The following TMEM244 variants were observed in gnomAD, a reference collection of about 807,000 sequenced individuals.
TMEM244 encodes putative transmembrane protein 244.
In TMEM244, 13 loss-of-function variants were observed where a neutral mutation model predicts 15.8. The observed-to-expected ratio is 0.82, with a 90% confidence interval of 0.53 to 1.30. The LOEUF is 1.30. TMEM244 is among the 50% of genes most tolerant of loss of function. The pLI, the probability that TMEM244 is intolerant of heterozygous loss-of-function variation, is 0.00. For synonymous variants in TMEM244, 45 were observed against 48.7 expected, an observed-to-expected ratio of 0.92 and a Z score of 0.32; for missense variants, 161 against 144.9, an observed-to-expected ratio of 1.11 and a Z score of -0.57.
In TMEM244 at chr6:129,848,543, G is replaced by A. The variant is rs1265333972; in HGVS notation, c.34-2691C>T. Among the ~76,000 whole-genome samples the A allele has an allele frequency of 2.6e-5, 4 of 152,138 alleles. No individual in the cohort carries two copies. In the East Asian group the frequency reaches 7.7e-4, roughly 29 times the overall value. On this transcript the variant is annotated intron_variant, in intron 1 of 4. Transcript: ENST00000368143. ...GTTCCACTTGGAAGGAATCAATCTG[G>A]AAATAGCTAAAAGCCCTCATTTTGT...
intron 3 of TMEM244, 75 bp downstream of exon 3, chr6:129,843,455 T>A: frequency 4.7e-6 from 5 of 1,057,144 alleles, no homozygotes; most frequent in Non-Finnish European, 6.9e-6. Context: ...ATTTAAAATT[T>A]TTTTATTAAA....
intron 1 of TMEM244, among the ~76,000 whole-genome samples, chr6:129,859,037 G>A (rs776728935): frequency 2.6e-4 from 39 of 151,938 alleles, no homozygotes; most frequent in South Asian, 8.3e-4. Flanking sequence ...TAAAGTGATC[G>A]TCCGGTTTGG....
intron 3 of TMEM244, among the ~76,000 whole-genome samples, chr6:129,836,804 T>G (rs1292403706): frequency 6.6e-6 from 1 of 151,986 alleles, no homozygotes; most frequent in African/African-American, 2.4e-5. Context: ...GGTAATTCCA[T>G]CAAGTGGAAG....
At chr6:129,832,199 G>A (rs1260248867) in intron 4 of TMEM244, among the ~76,000 whole-genome samples, 1 of 149,924 alleles carries the variant, frequency 6.7e-6, no homozygotes. Context: ...CTGGGTTCAA[G>A]CATTCTCCCT....
rs747897499 is a variant in TMEM244, at chr6:129,845,758, G to A, written c.119+9C>T. The A allele has an allele frequency of 1.2e-5, 19 of 1,587,098 alleles. No individual in the cohort carries two copies. Among genetic ancestry groups the A allele is most frequent in the Middle Eastern group, 1.7e-4 (1 of 6,030 alleles). ...TTTTAATTCTATTTGAAGACAATGT[G>A]CTACTTACTCAAACATCACGCAGCC... On this transcript the variant is annotated intron_variant, in intron 2 of 4. Transcript: ENST00000368143.
chr6:129,845,206 T>A (rs1776544875), intron 2 of TMEM244, among the ~76,000 whole-genome samples: 1 of 152,212 alleles, frequency 6.6e-6, no homozygotes, highest in South Asian at 2.1e-4. Flanking sequence ...ATTCAGAAAG[T>A]TAGTAAGAAC....
chr6:129,851,011 A>G (rs183471652), intron 1 of TMEM244, among the ~76,000 whole-genome samples: 91 of 152,098 alleles, frequency 6.0e-4, no homozygotes, highest in Admixed American at 3.8e-3. Flanking sequence ...CTGTACTCAT[A>G]TTTTCTCATT....
At chr6:129,860,813 CAAAAAAAA>C (rs11480627) in intron 1 of TMEM244, among the ~76,000 whole-genome samples, 1 of 127,366 alleles carries the variant, frequency 7.9e-6, no homozygotes, top group Non-Finnish European at 1.7e-5. Context: ...CCACTCCCTG[CAAAAAAAA>C]AAAAGAAAAA....
At chr6:129,856,909 A>G (rs1272214538) in intron 1 of TMEM244, among the ~76,000 whole-genome samples, 5 of 152,024 alleles carry the variant, frequency 3.3e-5, no homozygotes, top group African/African-American at 1.2e-4. Context: ...CCACTTTTGT[A>G]TCTTTCAGGA....
At chr6:129,843,754 G>T in intron 2 of TMEM244, 151 bp from the exon 3 acceptor site, 1 of 540,572 alleles carries the variant, frequency 1.8e-6, no homozygotes. Context: ...GAATGTGAAG[G>T]AATCAGCAAT....
intron 1 of TMEM244, 137 bp from the exon 2 acceptor site, chr6:129,845,989 G>T: frequency 1.7e-6 from 1 of 577,952 alleles, no homozygotes; most frequent in South Asian, 2.5e-5. Context: ...CCATGGAATG[G>T]GAATGACTTC....
At chr6:129,841,600 C>A (rs761319571) in intron 3 of TMEM244, among the ~76,000 whole-genome samples, 9 of 151,994 alleles carry the variant, frequency 5.9e-5, no homozygotes, top group Admixed American at 3.9e-4. Flanking sequence ...AGGTGTTGAG[C>A]AAGATTTTAA....
At chr6:129,854,355 G>A (rs1019712808) in intron 1 of TMEM244, among the ~76,000 whole-genome samples, 1 of 152,198 alleles carries the variant, frequency 6.6e-6, no homozygotes, top group Non-Finnish European at 1.5e-5. Context: ...CCAGATAAAA[G>A]CAATCTTTGC....
At chr6:129,853,681 A>G (rs552125830) in intron 1 of TMEM244, among the ~76,000 whole-genome samples, 2 of 152,296 alleles carry the variant, frequency 1.3e-5, no homozygotes, top group Admixed American at 6.5e-5. Context: ...ATAAGTTGAA[A>G]TTAAGAAAAG....
At chr6:129,838,796 A>G (rs1386539747) in intron 3 of TMEM244, among the ~76,000 whole-genome samples, 1 of 152,218 alleles carries the variant, frequency 6.6e-6, no homozygotes, top group African/African-American at 2.4e-5. Context: ...GAATATTATA[A>G]ACACCTCTGT....
At chr6:129,836,213 G>A (rs1776404671) in intron 3 of TMEM244, among the ~76,000 whole-genome samples, 1 of 152,182 alleles carries the variant, frequency 6.6e-6, no homozygotes, top group South Asian at 2.1e-4. Context: ...GAAGCTTCCA[G>A]AGGAAGGATC....
chr6:129,857,668 T>A (rs925614184), intron 1 of TMEM244, among the ~76,000 whole-genome samples: 1 of 151,998 alleles, frequency 6.6e-6, no homozygotes, highest in Non-Finnish European at 1.5e-5. Flanking sequence ...CCCTAACATA[T>A]GTTTAGATAG....
chr6:129,851,789 A>G (rs1026437019), intron 1 of TMEM244, among the ~76,000 whole-genome samples: 8 of 152,220 alleles, frequency 5.3e-5, no homozygotes, highest in Non-Finnish European at 8.8e-5. Context: ...GCACTCTAGG[A>G]AAAGCCAATA....
At chr6:129,841,824 T>C (rs1776495205) in intron 3 of TMEM244, among the ~76,000 whole-genome samples, 1 of 152,162 alleles carries the variant, frequency 6.6e-6, no homozygotes, top group African/African-American at 2.4e-5. Flanking sequence ...GACAAAATTA[T>C]TGAAACCTAC....
Sources: allele counts gnomAD v4.1 joint callset (sites outside exome capture counted in the v4.1 genomes callset), GRCh38; gene constraint gnomAD v4.1.1; transcripts MANE v1.5; gene names NCBI Gene and HGNC (gene_info 2026-07-23, HGNC 2026-07-21).